RBFOX1: variants seen among roughly 807,000 people sequenced by gnomAD.
The protein encoded by RBFOX1 is RNA binding fox-1 homolog 1.
RBFOX1 carries 8 observed loss-of-function variants against 57.7 expected under a neutral mutation model. The observed-to-expected ratio is 0.14, with a 90% CI of 0.08 to 0.25. The LOEUF is 0.25. Ranked by LOEUF, RBFOX1 falls within the 10% of genes least tolerant of loss-of-function variation. RBFOX1 has a pLI of 1.00. For synonymous variants in RBFOX1, 326 were observed against 222.4 expected, an observed-to-expected ratio of 1.47 and a Z score of -4.15; for missense variants, 611 against 548.5, an observed-to-expected ratio of 1.11 and a Z score of -1.14.
At chr16:5,810,373 A>G (rs1031010747) in intron 3 of RBFOX1, among the ~76,000 whole-genome samples, 5 of 152,216 alleles carry the variant, frequency 3.3e-5, no homozygotes, top group African/African-American at 1.2e-4. Context: ...ACAGCCAAGG[A>G]GAGAGGCCTC....
intron 1 of RBFOX1, among the ~76,000 whole-genome samples, chr16:5,329,174 T>C (rs1237893761): frequency 2.0e-5 from 3 of 152,180 alleles, no homozygotes; most frequent in African/African-American, 7.2e-5. Flanking sequence ...TTGAAAACCG[T>C]ATTAGTTTGT....
At chr16:5,241,422 C>G (rs2062164320) in intron 1 of RBFOX1, among the ~76,000 whole-genome samples, 1 of 152,150 alleles carries the variant, frequency 6.6e-6, no homozygotes, top group Admixed American at 6.5e-5. Flanking sequence ...CCTCTCACTC[C>G]CTCTACCTCC....
intron 3 of RBFOX1, among the ~76,000 whole-genome samples, chr16:6,720,700 G>C (rs1040526392): frequency 2.0e-5 from 3 of 152,196 alleles, no homozygotes; most frequent in Non-Finnish European, 2.9e-5. Flanking sequence ...AGACCAGGGT[G>C]GTGGGTCAGC....
intron 3 of RBFOX1, among the ~76,000 whole-genome samples, chr16:6,951,010 A>G (rs1320342976): frequency 6.6e-6 from 1 of 151,880 alleles, no homozygotes. Flanking sequence ...GGCTCCAGCG[A>G]TCCTCCCACC....
At chr16:6,979,684 A>T (rs1354548257) in intron 3 of RBFOX1, among the ~76,000 whole-genome samples, 2 of 152,202 alleles carry the variant, frequency 1.3e-5, no homozygotes, top group Non-Finnish European at 2.9e-5. Context: ...TCAAATAAAT[A>T]AACATGTGAG....
chr16:7,663,547 C>G (rs568341341), intron 12 of RBFOX1, among the ~76,000 whole-genome samples: 1 of 150,882 alleles, frequency 6.6e-6, no homozygotes, highest in African/African-American at 2.4e-5. Context: ...AAATGCCTTC[C>G]CTTGGCTCAA....
At chr16:6,009,816 C>CTGTGTGTGTGTGTGTG (rs148472437) in intron 4 of RBFOX1, among the ~76,000 whole-genome samples, 9,589 of 148,414 alleles carry the variant, frequency 0.065, 357 homozygotes, top group East Asian at 0.15. Flanking sequence ...GTGTGTGTGT[C>CTGTGTGTGTGTGTGTG]TGTGTGTGTG....
chr16:5,262,895 A>C (rs1294483364), intron 1 of RBFOX1, among the ~76,000 whole-genome samples: 1 of 152,188 alleles, frequency 6.6e-6, no homozygotes, highest in Non-Finnish European at 1.5e-5. Flanking sequence ...TTGTAACTCC[A>C]CTGAAGGGGG....
At chr16:5,982,529 G>A (rs113285677) in intron 4 of RBFOX1, among the ~76,000 whole-genome samples, 5,250 of 152,194 alleles carry the variant, frequency 0.034, 122 homozygotes, top group Non-Finnish European at 0.056. Flanking sequence ...GCCTTCCCCA[G>A]CCTCCCAAAG....
chr16:6,780,249 ATATT>A (rs1276466577), intron 3 of RBFOX1, among the ~76,000 whole-genome samples: 4 of 85,242 alleles, frequency 4.7e-5, no homozygotes, highest in Non-Finnish European at 5.8e-5. Context: ...ATTTACATAT[ATATT>A]TATATATATA....
chr16:7,593,289 C>G (rs1051202909), intron 7 of RBFOX1, among the ~76,000 whole-genome samples: 1 of 152,140 alleles, frequency 6.6e-6, no homozygotes, highest in African/African-American at 2.4e-5. Context: ...CTCCCAAGTT[C>G]CTTCTGATAT....
chr16:5,820,329 A>C lies in RBFOX1; in HGVS notation c.319-46974A>C, dbSNP rs545639191. Among the ~76,000 whole-genome samples the C allele has an allele frequency of 4.9e-4, 75 of 152,310 alleles. No individual in the cohort carries two copies. In the South Asian group the frequency reaches 0.015, roughly 30 times the overall value. ...AGGGCACAGAGACGTTTGCTAAAGGAATCTTACTGTCTTTATATAAATCCT... is the reference window on the plus strand; with the variant it reads ...AGGGCACAGAGACGTTTGCTAAAGGCATCTTACTGTCTTTATATAAATCCT... On this transcript the variant is annotated intron_variant, in intron 3 of 19. Transcript: ENST00000641259.
At chr16:6,344,383 CTCT>C (rs201695816) in intron 2 of RBFOX1, among the ~76,000 whole-genome samples, 56 of 126,278 alleles carry the variant, frequency 4.4e-4, no homozygotes, top group African/African-American at 1.7e-3. Flanking sequence ...CTTTCCTTCT[CTCT>C]TCTTCTTTTT....
chr16:5,773,916 TCTA>T (rs1296474501), intron 3 of RBFOX1, among the ~76,000 whole-genome samples: 1 of 152,150 alleles, frequency 6.6e-6, no homozygotes, highest in African/African-American at 2.4e-5. Flanking sequence ...TTGGTCTCGA[TCTA>T]CTGACCTCAT....
chr16:5,253,261 T>C (rs543732329), intron 1 of RBFOX1, among the ~76,000 whole-genome samples: 1 of 152,286 alleles, frequency 6.6e-6, no homozygotes, highest in Admixed American at 6.5e-5. Flanking sequence ...GCGATTCTCC[T>C]GTCTCAGCCT....
intron 1 of RBFOX1, among the ~76,000 whole-genome samples, chr16:6,230,529 G>A (rs920414647): frequency 6.6e-6 from 1 of 152,086 alleles, no homozygotes; most frequent in East Asian, 1.9e-4. Context: ...CCAAAGCCTA[G>A]AGGCTTAAAA....
chr16:7,627,982 ACAGC>A (rs1344195391), intron 10 of RBFOX1, among the ~76,000 whole-genome samples: 2 of 152,026 alleles, frequency 1.3e-5, no homozygotes, highest in African/African-American at 4.8e-5. Context: ...CTCAGAATCC[ACAGC>A]ATTAAAAAAA....
At chr16:5,969,066 C>G (rs2059907814) in intron 4 of RBFOX1, among the ~76,000 whole-genome samples, 1 of 152,002 alleles carries the variant, frequency 6.6e-6, no homozygotes, top group South Asian at 2.1e-4. Flanking sequence ...GCCTTAGACT[C>G]TGTCACCTCA....
intron 4 of RBFOX1, among the ~76,000 whole-genome samples, chr16:7,355,447 G>A (rs918567242): frequency 1.3e-5 from 2 of 152,088 alleles, no homozygotes; most frequent in African/African-American, 2.4e-5. Context: ...ACCTGCTAAC[G>A]ATTTGGAGTG....
Sources: allele counts gnomAD v4.1 joint callset (sites outside exome capture counted in the v4.1 genomes callset), GRCh38; gene constraint gnomAD v4.1.1; transcripts MANE v1.5; gene names NCBI Gene and HGNC (gene_info 2026-07-23, HGNC 2026-07-21).